Variants in PLD5 observed in about 807,000 individuals in gnomAD.
PLD5 encodes phospholipase D family member 5.
Under a neutral mutation model 61.1 loss-of-function variants are expected in PLD5, and 36 were observed. The observed-to-expected ratio is 0.59, with a 90% CI of 0.45 to 0.78. The LOEUF is 0.78. PLD5 is among the 30% of genes least tolerant of loss of function. PLD5 has a pLI of 0.00. For missense variants in PLD5, 515 were observed against 644.4 expected, an observed-to-expected ratio of 0.80 and a Z score of 2.17; for synonymous variants, 243 against 242.8, an observed-to-expected ratio of 1.00 and a Z score of -0.01.
intron 1 of PLD5, among the ~76,000 whole-genome samples, chr1:242,420,754 T>C (rs1252653491): frequency 6.6e-6 from 1 of 152,208 alleles, no homozygotes; most frequent in East Asian, 1.9e-4. Flanking sequence ...TGCAGTGGTA[T>C]GTAGCTCAAA....
intron 1 of PLD5, among the ~76,000 whole-genome samples, chr1:242,405,358 G>A (rs556291009): frequency 3.7e-4 from 57 of 152,218 alleles, no homozygotes; most frequent in Non-Finnish European, 6.6e-4. Context: ...AACAACTGTC[G>A]GAGGTAGCGG....
rs147059939 is a variant in PLD5, at chr1:242,512,139, C to T, written c.189+11949G>A. On this transcript the variant is annotated intron_variant, in intron 1 of 9. Coordinates refer to ENST00000536534, the MANE Select transcript of PLD5 (RefSeq NM_001372062.1). ...GTATTTTGGTGGGTTTGGTTGGGTG[C>T]GGTGGTTCACGCCTGTAATCCCAGC... Among the ~76,000 whole-genome samples, 566 of 151,582 alleles carry T rather than the reference C, an allele frequency of 3.7e-3. 1 individual carries two copies. Among genetic ancestry groups the T allele is most frequent in the Middle Eastern group, 0.014 (4 of 294 alleles).
chr1:242,220,262 G>T, intron 4 of PLD5, 147 bp from the exon 5 acceptor site: 2 of 1,018,004 alleles, frequency 2.0e-6, no homozygotes, highest in South Asian at 1.8e-5. Flanking sequence ...TTGGTGGAGA[G>T]AAGGTCCCCA....
chr1:242,401,545 C>T (rs1466370269), intron 1 of PLD5, among the ~76,000 whole-genome samples: 3 of 152,170 alleles, frequency 2.0e-5, no homozygotes, highest in African/African-American at 7.2e-5. Context: ...TAATGTTTTC[C>T]CACCTCAGCA....
intron 2 of PLD5, among the ~76,000 whole-genome samples, chr1:242,344,712 C>T (rs1328944233): frequency 4.0e-5 from 6 of 151,762 alleles, no homozygotes; most frequent in African/African-American, 1.2e-4. Context: ...GCTTTCATAA[C>T]CCATTAAGGG....
At chr1:242,117,563 T>C (rs1300280355) in intron 6 of PLD5, among the ~76,000 whole-genome samples, 1 of 152,066 alleles carries the variant, frequency 6.6e-6, no homozygotes, top group Non-Finnish European at 1.5e-5. Context: ...TGTATTTTAG[T>C]AGAGACGGGG....
intron 1 of PLD5, among the ~76,000 whole-genome samples, chr1:242,518,675 C>G (rs1398696996): frequency 1.3e-5 from 2 of 152,256 alleles, no homozygotes; most frequent in South Asian, 2.1e-4. Flanking sequence ...TGGCATGTAG[C>G]TATTATATGG....
intron 1 of PLD5, among the ~76,000 whole-genome samples, chr1:242,520,882 T>A (rs1669258457): frequency 6.6e-6 from 1 of 152,182 alleles, no homozygotes; most frequent in Non-Finnish European, 1.5e-5. Context: ...TGGACCAGAA[T>A]CCTTCACTTT....
chr1:242,478,452 C>T (rs1667666896), intron 1 of PLD5, among the ~76,000 whole-genome samples: 1 of 152,206 alleles, frequency 6.6e-6, no homozygotes, highest in African/African-American at 2.4e-5. Context: ...CTGGTCCTGT[C>T]ACTGCGAGGG....
At chr1:242,319,275 A>G (rs899001054) in intron 2 of PLD5, among the ~76,000 whole-genome samples, 7 of 151,964 alleles carry the variant, frequency 4.6e-5, no homozygotes, top group East Asian at 3.8e-4. Context: ...CATTGAAAAA[A>G]CACACAACTG....
intron 1 of PLD5, among the ~76,000 whole-genome samples, chr1:242,482,794 A>C (rs1217445590): frequency 1.3e-5 from 2 of 152,232 alleles, no homozygotes; most frequent in Non-Finnish European, 2.9e-5. Flanking sequence ...AAAAATGTTA[A>C]GGGCAGCCAG....
intron 1 of PLD5, among the ~76,000 whole-genome samples, chr1:242,379,490 C>T (rs1662161832): frequency 6.6e-6 from 1 of 152,114 alleles, no homozygotes; most frequent in African/African-American, 2.4e-5. Context: ...AAACTGTGTT[C>T]CAAGAAACAT....
chr1:242,298,367 T>C (rs1022393740), intron 2 of PLD5, among the ~76,000 whole-genome samples: 1 of 152,232 alleles, frequency 6.6e-6, no homozygotes, highest in African/African-American at 2.4e-5. Context: ...CTTCTGCAGA[T>C]ATTATTACAT....
chr1:242,287,406 A>G (rs1200533764), intron 3 of PLD5, among the ~76,000 whole-genome samples: 2 of 152,372 alleles, frequency 1.3e-5, no homozygotes, highest in South Asian at 4.1e-4. Flanking sequence ...AAACTTTAGT[A>G]GAGATGGAAA....
intron 5 of PLD5, among the ~76,000 whole-genome samples, chr1:242,157,534 G>A (rs1165481931): frequency 2.0e-5 from 3 of 152,102 alleles, no homozygotes; most frequent in Non-Finnish European, 4.4e-5. Flanking sequence ...TTTGGATGGG[G>A]TCTCTGAGTG....
intron 1 of PLD5, among the ~76,000 whole-genome samples, chr1:242,485,633 T>C (rs1244825601): frequency 2.0e-5 from 3 of 152,192 alleles, no homozygotes; most frequent in Non-Finnish European, 4.4e-5. Flanking sequence ...AAAATGGCCA[T>C]ACTGCCCAAG....
intron 5 of PLD5, among the ~76,000 whole-genome samples, chr1:242,163,932 T>TAC (rs921767784): frequency 6.6e-6 from 1 of 152,022 alleles, no homozygotes; most frequent in Non-Finnish European, 1.5e-5. Flanking sequence ...TGTATATATA[T>TAC]ACATTCCAGC....
chr1:242,471,284 G>GA (rs11453618), intron 1 of PLD5, among the ~76,000 whole-genome samples: 73,493 of 151,648 alleles, frequency 0.48, 18,886 homozygotes, highest in African/African-American at 0.66. Context: ...AATAATTTTG[G>GA]AAAAAAAATC....
intron 3 of PLD5, among the ~76,000 whole-genome samples, chr1:242,287,470 G>GTGTGTTT (rs1675092182): frequency 6.6e-6 from 1 of 151,936 alleles, no homozygotes; most frequent in Non-Finnish European, 1.5e-5. Flanking sequence ...TACGGCCTTC[G>GTGTGTTT]TGTTTTTTGT....
Sources: gnomAD v4.1 joint callset for allele counts (sites outside exome capture counted in the v4.1 genomes callset) on GRCh38, gnomAD v4.1.1 for gene constraint, MANE v1.5 for transcripts, NCBI Gene and HGNC (gene_info 2026-07-23, HGNC 2026-07-21) for gene names.